The following IQGAP2 variants were observed in gnomAD, a reference collection of about 807,000 sequenced individuals.
The protein encoded by IQGAP2 is ras GTPase-activating-like protein IQGAP2.
A neutral mutation model predicts 201.3 loss-of-function variants in IQGAP2; 173 were observed. The observed-to-expected ratio is 0.86, with a 90% CI of 0.76 to 0.98. IQGAP2 has a LOEUF of 0.98. Among genes scored for constraint, IQGAP2 ranks in the 50% least tolerant of loss-of-function variants. The probability of loss-of-function intolerance (pLI) is 0.00; values close to 1 mark genes in which losing one functional copy is unlikely to be tolerated. For synonymous variants in IQGAP2, 675 were observed against 673.9 expected (o/e 1.00, Z -0.03); for missense variants, 1,687 against 1,864.8 (o/e 0.90, Z 1.76).
chr5:76,658,468 A>G lies in IQGAP2; in HGVS notation c.2330A>G (p.Glu777Gly). 1 of 1,613,762 alleles carries G rather than the reference A, an allele frequency of 6.2e-7. No individual in the cohort carries two copies. Among genetic ancestry groups the G allele is most frequent in the Non-Finnish European group, 8.5e-7 (1 of 1,179,768 alleles). The change falls in exon 21 of 36, where the codon GAA becomes GGA. Residue 777 changes from glutamate (E) to glycine (G), a missense_variant. Coordinates refer to ENST00000274364, the MANE Select transcript of IQGAP2 (RefSeq NM_006633.5). ...GTTCCTGTCACTGCAGTTGGCTCTG[A>G]AAACCCACCATTAACAGTAATTCGC... The part of the protein sequence containing the change: ...RDDYKTLVGS[E>G]NPPLTVIRKF...
chr5:76,419,902 G>C (rs562770451), intron 1 of IQGAP2, among the ~76,000 whole-genome samples: 1 of 152,208 alleles, frequency 6.6e-6, no homozygotes, highest in East Asian at 1.9e-4. Flanking sequence ...ATTACTGTGT[G>C]TTCAGTTCCA....
chr5:76,671,213 A>G (rs1744280292), intron 23 of IQGAP2, among the ~76,000 whole-genome samples: 1 of 152,192 alleles, frequency 6.6e-6, no homozygotes, highest in South Asian at 2.1e-4. Flanking sequence ...GTGAGCCAAG[A>G]TGGCGCTACT....
chr5:76,668,026 C>T (rs1408282621), intron 22 of IQGAP2, among the ~76,000 whole-genome samples: 1 of 151,866 alleles, frequency 6.6e-6, no homozygotes, highest in Non-Finnish European at 1.5e-5. Context: ...ACTGCATGCG[C>T]ACACCACCAC....
chr5:76,641,005 C>T lies in IQGAP2; in HGVS notation c.1996C>T (p.Arg666Cys), dbSNP rs749100595. Residue 666 changes from arginine (R) to cysteine (C), a missense_variant, in exon 17 of 36, where the codon CGC (arginine) becomes TGC (cysteine). Transcript: ENST00000274364. The part of the protein sequence containing the change: ...IWSASEELLL[R>C]FQATSSGPIL... ...GTCTGCTTCAGAAGAGTTGCTTCTT[C>T]GCTTTCAAGCCACAAGCTCAGGACC... 2.5e-5 allele frequency: 40 copies of T among 1,610,394 alleles called. No individual in the cohort carries two copies. Among genetic ancestry groups the T allele is most frequent in the South Asian group, 4.4e-5 (4 of 90,956 alleles).
chr5:76,663,257 C>G (rs542098290), intron 21 of IQGAP2, among the ~76,000 whole-genome samples: 1 of 152,318 alleles, frequency 6.6e-6, no homozygotes, highest in East Asian at 1.9e-4. Context: ...GCATGCAGAG[C>G]AAAACACTGT....
At chr5:76,541,755 G>A (rs796724418) in intron 2 of IQGAP2, among the ~76,000 whole-genome samples, 8 of 152,264 alleles carry the variant, frequency 5.3e-5, no homozygotes, top group African/African-American at 1.9e-4. Flanking sequence ...CAGTTTTGAT[G>A]TGCATTTCCC....
chr5:76,584,053 A>C (rs1746069697), intron 5 of IQGAP2, among the ~76,000 whole-genome samples: 2 of 152,046 alleles, frequency 1.3e-5, no homozygotes, highest in Admixed American at 1.3e-4. Flanking sequence ...TTGTATTTTT[A>C]GTAGAGATGG....
At chr5:76,652,920 G>C (rs879594578) in intron 18 of IQGAP2, 87 bp downstream of exon 18, 15 of 889,572 alleles carry the variant, frequency 1.7e-5, no homozygotes, top group Middle Eastern at 2.2e-4. Flanking sequence ...CTATAGAAAG[G>C]GAGGGTACAT....
At chr5:76,681,829 A>C (rs1398219112) in intron 28 of IQGAP2, among the ~76,000 whole-genome samples, 1 of 152,260 alleles carries the variant, frequency 6.6e-6, no homozygotes, top group Non-Finnish European at 1.5e-5. Flanking sequence ...CACAACAGCC[A>C]AGCGTCTATC....
intron 15 of IQGAP2, among the ~76,000 whole-genome samples, chr5:76,632,548 A>G (rs777056712): frequency 6.6e-6 from 1 of 152,180 alleles, no homozygotes; most frequent in Non-Finnish European, 1.5e-5. Flanking sequence ...ACAGTTTGAT[A>G]CTCATTTTTC....
At chr5:76,438,912 T>C (rs1752872808) in intron 1 of IQGAP2, among the ~76,000 whole-genome samples, 1 of 151,652 alleles carries the variant, frequency 6.6e-6, no homozygotes, top group South Asian at 2.1e-4. Context: ...TAATCTTTTA[T>C]TTATTTATTA....
At chr5:76,628,812 T>TA (rs2150379001) in intron 14 of IQGAP2, 1 of 428,318 alleles carries the variant, frequency 2.3e-6, no homozygotes, top group Non-Finnish European at 4.6e-6. Context: ...CTTTCCTTTC[T>TA]AGCACGCCTT....
In IQGAP2 at chr5:76,540,104, C is replaced by T. The variant is rs115387754; in HGVS notation, c.147-22292C>T. Among the ~76,000 whole-genome samples, 163 of 152,272 alleles carry T rather than the reference C, an allele frequency of 1.1e-3. 1 individual carries two copies. Among genetic ancestry groups the T allele is most frequent in the African/African-American group, 3.9e-3 (160 of 41,552 alleles). ...CCCAAGTTTTCTTCAGTTTCCCCCT[C>T]CTGACTCTATGCCAGTGACTTAGAA... On this transcript the variant is annotated intron_variant, in intron 2 of 35. Coordinates refer to ENST00000274364, the MANE Select transcript of IQGAP2 (RefSeq NM_006633.5).
chr5:76,574,549 G>A (rs547233039), intron 4 of IQGAP2, among the ~76,000 whole-genome samples: 15 of 152,334 alleles, frequency 9.8e-5, no homozygotes, highest in African/African-American at 3.1e-4. Flanking sequence ...GATTATGGGC[G>A]TGAGCCACTG....
intron 10 of IQGAP2, among the ~76,000 whole-genome samples, chr5:76,598,255 A>G (rs757600048): frequency 6.6e-6 from 1 of 152,238 alleles, no homozygotes; most frequent in Non-Finnish European, 1.5e-5. Flanking sequence ...TTAAGAAAAC[A>G]TTAACTCACT....
chr5:76,665,563 T>A (rs1215330855), intron 22 of IQGAP2, among the ~76,000 whole-genome samples: 1 of 152,216 alleles, frequency 6.6e-6, no homozygotes, highest in African/African-American at 2.4e-5. Context: ...GGTGCTGTCA[T>A]CCATGAAAAA....
chr5:76,434,399 C>T (rs1580181328), intron 1 of IQGAP2, among the ~76,000 whole-genome samples: 1 of 152,128 alleles, frequency 6.6e-6, no homozygotes, highest in East Asian at 1.9e-4. Flanking sequence ...TATGCCTTTG[C>T]ATACCCATAG....
chr5:76,595,243 CTTTTTTTTT>C lies in IQGAP2; in HGVS notation c.908-2176_908-2168del, dbSNP rs1180358517. Among the ~76,000 whole-genome samples the C allele has an allele frequency of 2.0e-4, 7 of 35,310 alleles. No individual in the cohort carries two copies. The East Asian group carries it at 4.8e-3, about 24-fold the overall frequency. 23.2% of individuals were successfully genotyped at this position (35,310 alleles called of 152,430 possible). On this transcript the variant is annotated intron_variant, in intron 9 of 35. Coordinates refer to ENST00000274364, the MANE Select transcript of IQGAP2 (RefSeq NM_006633.5). ...GAGCTGGACATTTTGCATTTCTTTG[CTTTTTTTTT>C]TTTTTTTTTTTTTTTTTTTCCGGAC...
chr5:76,654,630 A>C (rs458994), intron 19 of IQGAP2, among the ~76,000 whole-genome samples: 96,956 of 152,106 alleles, frequency 0.64, 31,197 homozygotes, highest in South Asian at 0.82. Flanking sequence ...CTTCCTGAAT[A>C]TTTAAAGAAG....
Sources: gnomAD v4.1 joint callset for allele counts (sites outside exome capture counted in the v4.1 genomes callset) on GRCh38, gnomAD v4.1.1 for gene constraint, MANE v1.5 for transcripts, NCBI Gene and HGNC (gene_info 2026-07-23, HGNC 2026-07-21) for gene names.